The following PCDH7 variants were observed in gnomAD, a reference collection of about 807,000 sequenced individuals.
PCDH7 encodes protocadherin 7.
A neutral mutation model predicts 58.9 loss-of-function variants in PCDH7; 17 were observed. The observed-to-expected ratio is 0.29, with a 90% confidence interval of 0.20 to 0.43. PCDH7 has a LOEUF of 0.43. Among genes scored for constraint, PCDH7 ranks in the 20% least tolerant of loss-of-function variants. PCDH7 has a pLI of 1.00. For synonymous variants in PCDH7, 664 were observed against 616.4 expected, an observed-to-expected ratio of 1.08 and a Z score of -1.14; for missense variants, 1,274 against 1,441.0, an observed-to-expected ratio of 0.88 and a Z score of 1.88.
intron 1 of PCDH7, among the ~76,000 whole-genome samples, chr4:30,786,572 A>G (rs893753870): frequency 2.0e-5 from 3 of 152,018 alleles, no homozygotes; most frequent in Non-Finnish European, 2.9e-5. Flanking sequence ...TTATGTCTCT[A>G]TGGCTTCTGA....
intron 1 of PCDH7, chr4:30,884,412 A>G (rs1737409269): frequency 6.6e-6 from 1 of 152,164 alleles, no homozygotes; most frequent in Non-Finnish European, 1.5e-5. Flanking sequence ...ACAAGACCAG[A>G]TTATTGAATT....
chr4:31,010,306 T>C (rs550903026), intron 3 of PCDH7, among the ~76,000 whole-genome samples: 235 of 152,096 alleles, frequency 1.5e-3, no homozygotes, highest in African/African-American at 5.4e-3. Flanking sequence ...GAGTAACATA[T>C]TTTAAATAAA....
intron 1 of PCDH7, among the ~76,000 whole-genome samples, chr4:30,898,344 C>A (rs976304584): frequency 2.0e-5 from 3 of 152,022 alleles, no homozygotes; most frequent in African/African-American, 7.2e-5. Context: ...TGTTAAATTG[C>A]GGCAGGCATC....
chr4:30,875,574 A>C lies in PCDH7; in HGVS notation c.71-44579A>C, dbSNP rs192553801. On this transcript the variant is annotated intron_variant, in intron 1 of 3. Transcript: ENST00000509759. Reference sequence around the variant, plus strand: ...AACAAGAATCCTAAAATTTTCAAACACTTTCAAGAGTATTTAGTTACCTCC... The same window carrying C: ...AACAAGAATCCTAAAATTTTCAAACCCTTTCAAGAGTATTTAGTTACCTCC... 1.1e-3 allele frequency among the ~76,000 whole-genome samples: 172 copies of C among 152,176 alleles called. No homozygotes were observed. The Middle Eastern group carries it at 0.02, about 18-fold the overall frequency.
intron 1 of PCDH7, chr4:30,725,285 T>C: frequency 1.0e-6 from 1 of 995,584 alleles, no homozygotes; most frequent in Non-Finnish European, 1.2e-6. Context: ...GCATTCTTTC[T>C]GTTTGGTATT....
At chr4:31,106,013 A>G (rs1715516437) in intron 3 of PCDH7, among the ~76,000 whole-genome samples, 1 of 122,586 alleles carries the variant, frequency 8.2e-6, no homozygotes, top group East Asian at 2.7e-4. Flanking sequence ...TCTCAAAAAA[A>G]GAAAAAAAAA....
chr4:30,925,411 A>T (rs1216819145), intron 2 of PCDH7, among the ~76,000 whole-genome samples: 2 of 152,188 alleles, frequency 1.3e-5, no homozygotes, highest in Non-Finnish European at 2.9e-5. Flanking sequence ...GATTTCACGT[A>T]GATTGAGCAA....
At chr4:30,856,882 A>C in intron 1 of PCDH7, among the ~76,000 whole-genome samples, 1 of 151,874 alleles carries the variant, frequency 6.6e-6, no homozygotes, top group East Asian at 1.9e-4. Context: ...TCTGAAACCT[A>C]ATTGTGAAAT....
At chr4:31,071,693 C>T (rs1291019582) in intron 3 of PCDH7, among the ~76,000 whole-genome samples, 4 of 151,966 alleles carry the variant, frequency 2.6e-5, no homozygotes, top group South Asian at 2.1e-4. Context: ...AGAGTGGTTG[C>T]TCTGATTGTG....
At chr4:30,899,729 C>A (rs1305198657) in intron 1 of PCDH7, among the ~76,000 whole-genome samples, 2 of 150,402 alleles carry the variant, frequency 1.3e-5, no homozygotes, top group African/African-American at 2.4e-5. Context: ...TTTTTTTTTT[C>A]ATCTTTTATC....
At chr4:31,112,391 T>C (rs1390078200) in intron 3 of PCDH7, among the ~76,000 whole-genome samples, 1 of 152,240 alleles carries the variant, frequency 6.6e-6, no homozygotes, top group Non-Finnish European at 1.5e-5. Flanking sequence ...ATTTAATTTA[T>C]GTAATGATTT....
chr4:30,840,767 G>A (rs1731108772), intron 1 of PCDH7, among the ~76,000 whole-genome samples: 1 of 152,044 alleles, frequency 6.6e-6, no homozygotes, highest in Non-Finnish European at 1.5e-5. Context: ...GCCTCCCAGT[G>A]TAGACCCAGC....
chr4:30,773,988 A>T (rs1258283907), intron 1 of PCDH7, among the ~76,000 whole-genome samples: 1 of 152,124 alleles, frequency 6.6e-6, no homozygotes, highest in Non-Finnish European at 1.5e-5. Flanking sequence ...AGCACCTGAG[A>T]TCTTGGTACC....
At position 30,826,033 on chromosome 4, in the gene PCDH7, T is replaced by A. The variant is rs1023170321; in HGVS notation, c.71-94120T>A. On this transcript the variant is annotated intron_variant, in intron 1 of 3. Coordinates refer to the PCDH7 transcript ENST00000509759. ...CTTTTTCTCTGCCATTTCTTCTTCC[T>A]TTCTTTCAAGCATCATTGCTGCCTC... is the stretch of plus-strand genomic sequence containing the variant. Among the ~76,000 whole-genome samples the A allele has an allele frequency of 3.3e-5, 5 of 152,146 alleles. 1 individual carries two copies. The highest frequency in any genetic ancestry group is 3.3e-4 in the Admixed American group (5 of 15,266).
intron 3 of PCDH7, among the ~76,000 whole-genome samples, chr4:31,103,668 C>T (rs1308610277): frequency 1.3e-5 from 2 of 152,142 alleles, no homozygotes; most frequent in Non-Finnish European, 2.9e-5. Context: ...CTTCCTGATT[C>T]TCTCTAGCTG....
chr4:31,075,601 C>A (rs985090081), intron 3 of PCDH7, among the ~76,000 whole-genome samples: 10 of 152,286 alleles, frequency 6.6e-5, no homozygotes, highest in South Asian at 2.1e-4. Context: ...TGGATTATGA[C>A]TTGGGACCCT....
intron 1 of PCDH7, among the ~76,000 whole-genome samples, chr4:30,831,470 G>A (rs919044599): frequency 2.6e-5 from 4 of 152,132 alleles, no homozygotes; most frequent in African/African-American, 9.7e-5. Flanking sequence ...GATAACATTT[G>A]TAAAGTCTTA....
At chr4:31,036,007 G>A (rs1357809557) in intron 3 of PCDH7, among the ~76,000 whole-genome samples, 1 of 152,092 alleles carries the variant, frequency 6.6e-6, no homozygotes, top group Non-Finnish European at 1.5e-5. Flanking sequence ...GGGTTAATAT[G>A]CTTTTTGTTC....
intron 1 of PCDH7, among the ~76,000 whole-genome samples, chr4:30,743,490 A>G (rs1237774292): frequency 1.3e-5 from 2 of 152,070 alleles, no homozygotes; most frequent in African/African-American, 4.8e-5. Flanking sequence ...TAATTGAAAA[A>G]AAAACTGGGT....
Sources: gnomAD v4.1 joint callset for allele counts (sites outside exome capture counted in the v4.1 genomes callset) on GRCh38, gnomAD v4.1.1 for gene constraint, MANE v1.5 for transcripts, NCBI Gene and HGNC (gene_info 2026-07-23, HGNC 2026-07-21) for gene names.